SRGAP2B: variants seen among roughly 807,000 people sequenced by gnomAD.
SRGAP2B encodes the protein SLIT-ROBO Rho GTPase activating protein 2B.
In SRGAP2B, 9 loss-of-function variants were observed where a neutral mutation model predicts 22.2. That is an observed-to-expected ratio of 0.41 (90% CI 0.24 to 0.71). The LOEUF (loss-of-function observed/expected upper bound fraction) is 0.71. Ranked by LOEUF, SRGAP2B falls within the 30% of genes least tolerant of loss-of-function variation. The pLI, the probability that SRGAP2B is intolerant of heterozygous loss-of-function variation, is 0.35. For synonymous variants in SRGAP2B, 36 were observed against 87.4 expected (o/e 0.41, Z 3.28); for missense variants, 114 against 235.8 (o/e 0.48, Z 3.38).
At chr1:145,030,322 G>A (rs1462728573) in intron 2 of SRGAP2B, among the ~76,000 whole-genome samples, 1 of 149,468 alleles carries the variant, frequency 6.7e-6, no homozygotes, top group African/African-American at 2.5e-5. Context: ...CCTTACCTTT[G>A]CTTTAGTCTT....
At chr1:144,983,825 A>C (rs1353127704) in intron 3 of SRGAP2B, among the ~76,000 whole-genome samples, 11 of 150,240 alleles carry the variant, frequency 7.3e-5, no homozygotes, top group African/African-American at 2.8e-4. Context: ...CCACAGTTTC[A>C]ACCATCCCCT....
intron 4 of SRGAP2B, among the ~76,000 whole-genome samples, chr1:144,920,098 C>T (rs1255817593): frequency 4.0e-5 from 6 of 150,546 alleles, no homozygotes; most frequent in East Asian, 3.9e-4. Flanking sequence ...AGACACAGAG[C>T]GCTGATTGGT....
At chr1:145,011,474 C>T (rs1553622228) in intron 2 of SRGAP2B, among the ~76,000 whole-genome samples, 4 of 150,648 alleles carry the variant, frequency 2.7e-5, no homozygotes, top group Non-Finnish European at 5.9e-5. Flanking sequence ...ACCATTCCCT[C>T]ATAGCCATCT....
At chr1:144,940,749 G>C (rs1665969464) in intron 4 of SRGAP2B, among the ~76,000 whole-genome samples, 1 of 143,230 alleles carries the variant, frequency 7.0e-6, no homozygotes, top group Non-Finnish European at 1.5e-5. Context: ...GTTGCAGTGA[G>C]CCAAGATCAC....
At chr1:145,002,540 A>G (rs1553620139) in intron 2 of SRGAP2B, among the ~76,000 whole-genome samples, 1 of 129,924 alleles carries the variant, frequency 7.7e-6, no homozygotes, top group Non-Finnish European at 1.6e-5. Context: ...ACATAGCAAG[A>G]CCTCATCTCA....
intron 4 of SRGAP2B, among the ~76,000 whole-genome samples, chr1:144,924,954 T>C (rs1430787241): frequency 3.4e-5 from 5 of 148,986 alleles, no homozygotes; most frequent in Admixed American, 6.6e-5. Flanking sequence ...TAAGCCTATG[T>C]TATTAAGTAT....
intron 3 of SRGAP2B, among the ~76,000 whole-genome samples, chr1:144,966,852 TA>T (rs1553612359): frequency 1.3e-5 from 2 of 148,778 alleles, no homozygotes; most frequent in African/African-American, 5.2e-5. Flanking sequence ...TAGTCTCTGA[TA>T]AAACAGACTT....
intron 2 of SRGAP2B, among the ~76,000 whole-genome samples, chr1:145,061,696 T>C (rs1553631513): frequency 6.7e-6 from 1 of 149,942 alleles, no homozygotes; most frequent in African/African-American, 2.5e-5. Flanking sequence ...CAAGAGATTC[T>C]CGTGCCTCAG....
intron 4 of SRGAP2B, among the ~76,000 whole-genome samples, chr1:144,926,589 G>A (rs1319297631): frequency 1.3e-5 from 2 of 151,380 alleles, no homozygotes; most frequent in African/African-American, 4.9e-5. Flanking sequence ...TGGTGTGGTG[G>A]CTCATGCCTG....
chr1:144,951,250 A>T (rs1336698709), intron 4 of SRGAP2B, among the ~76,000 whole-genome samples: 1 of 146,100 alleles, frequency 6.8e-6, no homozygotes, highest in Non-Finnish European at 1.5e-5. Flanking sequence ...ATTATAGATC[A>T]CTGCAGCCTC....
chr1:144,965,211 G>C (rs749950612), intron 3 of SRGAP2B: 1 of 887,752 alleles, frequency 1.1e-6, no homozygotes, highest in South Asian at 1.4e-5. Context: ...CAGCGTGAGC[G>C]ACACAGAAGA....
At position 144,972,281 on chromosome 1, in the gene SRGAP2B, ACC is replaced by A. The variant is rs1476438166; in HGVS notation, c.261-16682_261-16681del. On this transcript the variant is annotated intron_variant, in intron 3 of 9. Coordinates refer to ENST00000612199, the Ensembl canonical transcript of SRGAP2B. Reference sequence around the variant, plus strand: ...TCTCTCTATTCTGTGGCCTCAGTTAACCCCTTCTCTGCCTTCTTAAGGGCCAT... The same window carrying A: ...TCTCTCTATTCTGTGGCCTCAGTTAACCTTCTCTGCCTTCTTAAGGGCCAT... Among the ~76,000 whole-genome samples, 7 of 133,652 alleles carry A rather than the reference ACC, an allele frequency of 5.2e-5. No homozygotes were observed. The East Asian group carries it at 1.5e-3, about 28-fold the overall frequency. 87.7% of individuals were successfully genotyped at this position (133,652 alleles called of 152,430 possible).
At chr1:144,984,362 CAACAA>C (rs1333611331) in intron 3 of SRGAP2B, among the ~76,000 whole-genome samples, 15 of 111,170 alleles carry the variant, frequency 1.3e-4, no homozygotes, top group East Asian at 2.3e-4. Flanking sequence ...ACAACAACAA[CAACAA>C]AAAAAAAAAA....
intron 4 of SRGAP2B, among the ~76,000 whole-genome samples, chr1:144,950,962 C>T (rs1176997954): frequency 6.7e-6 from 1 of 150,096 alleles, no homozygotes; most frequent in African/African-American, 2.5e-5. Context: ...GATTCTCCTG[C>T]TTCAATCTCT....
intron 2 of SRGAP2B, among the ~76,000 whole-genome samples, chr1:145,014,277 G>C: frequency 6.9e-6 from 1 of 145,138 alleles, no homozygotes; most frequent in Admixed American, 6.8e-5. Context: ...ATCCAGCCTG[G>C]GCGACAGAGT....
intron 5 of SRGAP2B, 132 bp from the exon 6 acceptor site, chr1:144,906,206 C>G: frequency 5.0e-6 from 3 of 594,868 alleles, no homozygotes; most frequent in Non-Finnish European, 6.0e-6. Context: ...GGGAAAAATC[C>G]AGAAGTGTTT....
At chr1:144,971,015 C>T (rs1481992403) in intron 3 of SRGAP2B, among the ~76,000 whole-genome samples, 14 of 150,566 alleles carry the variant, frequency 9.3e-5, no homozygotes, top group Non-Finnish European at 1.5e-4. Context: ...TTCATACCCA[C>T]GAAACAAAGT....
intron 2 of SRGAP2B, among the ~76,000 whole-genome samples, chr1:145,022,601 T>G (rs1553624321): frequency 6.7e-6 from 1 of 149,452 alleles, no homozygotes; most frequent in African/African-American, 2.5e-5. Context: ...ATGGCTTTTC[T>G]TTTTTACCAA....
chr1:144,960,547 G>T (rs1306737602), intron 3 of SRGAP2B, among the ~76,000 whole-genome samples: 2 of 150,390 alleles, frequency 1.3e-5, no homozygotes, highest in African/African-American at 5.0e-5. Flanking sequence ...CGCTTAAAGG[G>T]ATTTCTCTAA....
Sources: allele counts gnomAD v4.1 joint callset (sites outside exome capture counted in the v4.1 genomes callset), GRCh38; gene constraint gnomAD v4.1.1; transcripts MANE v1.5; gene names NCBI Gene and HGNC (gene_info 2026-07-23, HGNC 2026-07-21).